The following NTRK2 variants were observed in gnomAD, a reference collection of about 807,000 sequenced individuals.
NTRK2 encodes the protein BDNF/NT-3 growth factors receptor.
A neutral mutation model predicts 94.5 loss-of-function variants in NTRK2; 13 were observed. The ratio of observed to expected loss-of-function variants is 0.14; its 90% CI spans 0.09 to 0.22. NTRK2 has a LOEUF of 0.22. NTRK2 is among the 10% of genes least tolerant of loss of function. The pLI, the probability that NTRK2 is intolerant of heterozygous loss-of-function variation, is 1.00. For synonymous variants in NTRK2, 372 were observed against 407.4 expected (o/e 0.91, Z 1.05); for missense variants, 639 against 1,071.2 (o/e 0.60, Z 5.63).
At position 84,670,873 on chromosome 9, in the gene NTRK2, G is replaced by A. The variant is rs76060730; in HGVS notation, c.125G>A (p.Arg42Gln). The change falls in exon 2 of 19, where the codon CGG (arginine) becomes CAG (glutamine). Residue 42 changes from arginine (R) to glutamine (Q), a missense_variant. Arg to Gln is a conservative substitution (Grantham distance 43). Around this residue, in one of 5 missense-constraint regions of NTRK2, gnomAD observed 206 missense variants for 251.5 expected, o/e 0.82. Coordinates refer to ENST00000277120, the MANE Select transcript of NTRK2 (RefSeq NM_006180.6). ...ACGTCCTGCAAATGCAGTGCCTCTC[G>A]GATCTGGTGCAGCGACCCTTCTCCT... The part of the protein sequence containing the change: ...CPTSCKCSAS[R>Q]IWCSDPSPGI... The A allele has an allele frequency of 6.2e-7, 1 of 1,613,704 alleles. No individual in the cohort carries two copies. Among genetic ancestry groups the A allele is most frequent in the Non-Finnish European group, 8.5e-7 (1 of 1,180,034 alleles).
chr9:84,931,716 C>CAAAAAAAAAAAAAAAAA (rs11395381), intron 14 of NTRK2, among the ~76,000 whole-genome samples: 4 of 100,364 alleles, frequency 4.0e-5, no homozygotes, highest in Admixed American at 1.1e-4. Context: ...TAATAAAATG[C>CAAAAAAAAAAAAAAAAA]AAAAAAAAAA....
chr9:84,880,490 C>T (rs2076222676), intron 14 of NTRK2, among the ~76,000 whole-genome samples: 1 of 152,230 alleles, frequency 6.6e-6, no homozygotes, highest in Non-Finnish European at 1.5e-5. Context: ...CTTCATTTTC[C>T]ATTCAAAGGT....
At chr9:84,995,889 G>C (rs367836245) in intron 17 of NTRK2, among the ~76,000 whole-genome samples, 12 of 152,100 alleles carry the variant, frequency 7.9e-5, no homozygotes, top group African/African-American at 2.9e-4. Context: ...CATTAATAGA[G>C]GACAAGAAAC....
chr9:84,735,469 G>A (rs962240643), intron 9 of NTRK2, among the ~76,000 whole-genome samples: 3 of 151,872 alleles, frequency 2.0e-5, no homozygotes, highest in African/African-American at 7.3e-5. Flanking sequence ...AAGCTGGAGG[G>A]ACCACTGGAA....
At chr9:84,866,770 A>C (rs540941318) in intron 13 of NTRK2, among the ~76,000 whole-genome samples, 1 of 152,356 alleles carries the variant, frequency 6.6e-6, no homozygotes, top group East Asian at 1.9e-4. Flanking sequence ...ATGAATGTTC[A>C]TAGTAGCATT....
chr9:84,982,717 C>G (rs774441922), intron 17 of NTRK2, among the ~76,000 whole-genome samples: 34 of 152,352 alleles, frequency 2.2e-4, no homozygotes, highest in South Asian at 4.1e-4. Flanking sequence ...GGAACTAACA[C>G]TTATCCAGTA....
chr9:84,937,151 A>G (rs879497710), intron 15 of NTRK2, among the ~76,000 whole-genome samples: 6 of 152,168 alleles, frequency 3.9e-5, no homozygotes, highest in Non-Finnish European at 7.4e-5. Flanking sequence ...TTCAGCCCTG[A>G]CCACAATGAA....
At chr9:84,871,665 TG>T in intron 14 of NTRK2, 1 of 822,072 alleles carries the variant, frequency 1.2e-6, no homozygotes. Flanking sequence ...TTTCACTATC[TG>T]GAGTGATATG....
chr9:84,742,789 G>GCTTTTTTTTTT (rs1221783716), intron 10 of NTRK2, among the ~76,000 whole-genome samples: 2 of 103,706 alleles, frequency 1.9e-5, no homozygotes, highest in African/African-American at 8.0e-5. Flanking sequence ...CATTATATTA[G>GCTTTTTTTTTT]TTTTTTTTTT....
chr9:84,726,123 A>T (rs1269276294), intron 8 of NTRK2, among the ~76,000 whole-genome samples: 2 of 152,366 alleles, frequency 1.3e-5, no homozygotes, highest in South Asian at 4.1e-4. Context: ...CTGTATGGTC[A>T]CTAGGCTCTG....
intron 17 of NTRK2, among the ~76,000 whole-genome samples, chr9:85,001,620 GTTAAT>G (rs1830349561): frequency 6.6e-6 from 1 of 152,246 alleles, no homozygotes; most frequent in Admixed American, 6.5e-5. Flanking sequence ...AAGGATGAGA[GTTAAT>G]TACCTGTCTT....
At chr9:84,834,087 G>A (rs1319389582) in intron 12 of NTRK2, among the ~76,000 whole-genome samples, 1 of 152,170 alleles carries the variant, frequency 6.6e-6, no homozygotes, top group African/African-American at 2.4e-5. Context: ...AGCTTAGCTG[G>A]AGAGGTGGGC....
chr9:84,825,421 C>T (rs138643262), intron 12 of NTRK2, among the ~76,000 whole-genome samples: 1 of 152,278 alleles, frequency 6.6e-6, no homozygotes, highest in African/African-American at 2.4e-5. Context: ...TCCCCACCCA[C>T]CACCTCTGGT....
chr9:84,685,160 A>G (rs1056598916), intron 2 of NTRK2, among the ~76,000 whole-genome samples: 2 of 151,436 alleles, frequency 1.3e-5, no homozygotes, highest in African/African-American at 2.4e-5. Flanking sequence ...CAATTGTTTT[A>G]TTATTTTTTT....
chr9:84,893,986 C>T (rs1042054743), intron 14 of NTRK2, among the ~76,000 whole-genome samples: 2 of 152,144 alleles, frequency 1.3e-5, no homozygotes, highest in Admixed American at 6.5e-5. Context: ...CCTGTCAAAC[C>T]GAGTGTTGCA....
intron 14 of NTRK2, chr9:84,876,469 G>A (rs202112023): frequency 9.5e-7 from 1 of 1,055,074 alleles, no homozygotes; most frequent in South Asian, 4.6e-5. Flanking sequence ...AAGTCATTTG[G>A]TCTTCAGTCT....
intron 14 of NTRK2, among the ~76,000 whole-genome samples, chr9:84,925,155 A>G (rs1341782361): frequency 6.7e-6 from 1 of 149,938 alleles, no homozygotes; most frequent in East Asian, 1.9e-4. Context: ...TTCCCTAGGA[A>G]TCTCTTCCAG....
rs576337570 is a variant in NTRK2 at position 84,975,451 on chromosome 9, A to G, written c.2172+19934A>G. ...GTATTGGAAGAAAAATGTAATATTA[A>G]TAGGTTTTGCTCTAGGCAGACTAAA... On this transcript the variant is annotated intron_variant, in intron 17 of 18. Transcript: ENST00000277120. 5.3e-5 allele frequency among the ~76,000 whole-genome samples: 8 copies of G among 152,320 alleles called. No individual in the cohort carries two copies. The South Asian group carries it at 1.7e-3, about 32-fold the overall frequency.
At chr9:84,895,305 G>A (rs1481977002) in intron 14 of NTRK2, among the ~76,000 whole-genome samples, 1 of 152,162 alleles carries the variant, frequency 6.6e-6, no homozygotes, top group Non-Finnish European at 1.5e-5. Flanking sequence ...GAAGTCCCTG[G>A]CACTTTTGAT....
Sources: allele counts gnomAD v4.1 joint callset (sites outside exome capture counted in the v4.1 genomes callset), GRCh38; gene constraint gnomAD v4.1.1; regional missense constraint gnomAD v4.1.1; transcripts MANE v1.5; gene names NCBI Gene and HGNC (gene_info 2026-07-23, HGNC 2026-07-21).